CRYL1: variants seen among roughly 807,000 people sequenced by gnomAD.
The protein encoded by CRYL1 is lambda-crystallin homolog.
CRYL1 carries 29 observed loss-of-function variants against 36.6 expected under a neutral mutation model. The observed-to-expected ratio is 0.79, with a 90% CI of 0.59 to 1.08. The LOEUF (loss-of-function observed/expected upper bound fraction) is 1.08. Ranked by LOEUF, CRYL1 falls within the 50% of genes least tolerant of loss-of-function variation. The pLI is 0.00. For missense variants in CRYL1, 411 were observed against 407.9 expected (o/e 1.01, Z -0.06); for synonymous variants, 152 against 151.5 (o/e 1.00, Z -0.02).
Position 20,404,690 on chromosome 13 carries a change from TG to T in CRYL1, c.790del (p.Gln264ArgfsTer23). 1 of 1,614,140 alleles carries T rather than the reference TG, an allele frequency of 6.2e-7. No homozygotes were observed. Among genetic ancestry groups the T allele is most frequent in the Admixed American group, 1.7e-5 (1 of 60,028 alleles). On this transcript the variant is annotated frameshift_variant, in exon 7 of 8. Coordinates refer to ENST00000298248, the MANE Select transcript of CRYL1 (RefSeq NM_015974.3). LOFTEE classifies it high-confidence loss of function. ...RYSEGIKHVL[Q>X]TFGPIPEFSR... ...AAACTCTGGAATGGGTCCAAAAGTC[TG>T]TAGGACATGTTTTATGCCTTCGCTG...
At chr13:20,494,424 T>A (rs1243067786) in intron 2 of CRYL1, among the ~76,000 whole-genome samples, 2 of 152,208 alleles carry the variant, frequency 1.3e-5, no homozygotes, top group Non-Finnish European at 2.9e-5. Flanking sequence ...ACTTTTTAAG[T>A]AAACAAAACC....
At chr13:20,473,413 C>T (rs969431502) in intron 3 of CRYL1, among the ~76,000 whole-genome samples, 1 of 152,214 alleles carries the variant, frequency 6.6e-6, no homozygotes, top group East Asian at 1.9e-4. Context: ...ATTTTTAAAG[C>T]TGCACATGGC....
At chr13:20,524,779 C>CT (rs2034159119) in intron 1 of CRYL1, among the ~76,000 whole-genome samples, 1 of 152,066 alleles carries the variant, frequency 6.6e-6, no homozygotes, top group African/African-American at 2.4e-5. Flanking sequence ...GAAAAGAAAG[C>CT]TGACAACAAG....
intron 2 of CRYL1, among the ~76,000 whole-genome samples, chr13:20,495,712 C>T (rs2033593278): frequency 6.6e-6 from 1 of 152,160 alleles, no homozygotes; most frequent in Non-Finnish European, 1.5e-5. Flanking sequence ...GTGTTGTCAA[C>T]AACAGAAGAA....
intron 2 of CRYL1, 43 bp downstream of exon 2, chr13:20,512,400 C>A: frequency 7.3e-7 from 1 of 1,374,606 alleles, no homozygotes; most frequent in Non-Finnish European, 1.0e-6. Flanking sequence ...CTGAGAGAAA[C>A]AGACCCACTT....
At chr13:20,459,814 A>T (rs1454631430) in intron 3 of CRYL1, among the ~76,000 whole-genome samples, 2 of 152,190 alleles carry the variant, frequency 1.3e-5, no homozygotes, top group Admixed American at 6.5e-5. Context: ...TGATGCAACA[A>T]ACCTGCATAT....
At chr13:20,484,813 G>T (rs1326691948) in intron 3 of CRYL1, among the ~76,000 whole-genome samples, 1 of 152,160 alleles carries the variant, frequency 6.6e-6, no homozygotes, top group Non-Finnish European at 1.5e-5. Flanking sequence ...TTGGAATAAT[G>T]AACCTAAACA....
intron 2 of CRYL1, among the ~76,000 whole-genome samples, chr13:20,501,999 GC>G (rs2033711712): frequency 6.6e-6 from 1 of 152,176 alleles, no homozygotes; most frequent in Non-Finnish European, 1.5e-5. Context: ...AACAATCATG[GC>G]AGGTGTTTCT....
intron 5 of CRYL1, chr13:20,431,084 G>C (rs776298465): frequency 1.0e-6 from 1 of 985,400 alleles, no homozygotes; most frequent in East Asian, 1.1e-4. Flanking sequence ...TACCTAACGG[G>C]GATTTGGCCC....
intron 5 of CRYL1, chr13:20,431,518 T>G: frequency 1.0e-6 from 1 of 998,496 alleles, no homozygotes; most frequent in Non-Finnish European, 1.2e-6. Context: ...CGGCCCCTCA[T>G]GCAAATGTAC....
chr13:20,474,349 G>A (rs4770040), intron 3 of CRYL1, among the ~76,000 whole-genome samples: 88,590 of 151,938 alleles, frequency 0.58, 27,081 homozygotes, highest in South Asian at 0.75. Flanking sequence ...GTCCCCAGCC[G>A]TTGCTGCATA....
chr13:20,430,141 G>T, intron 5 of CRYL1: 1 of 967,138 alleles, frequency 1.0e-6, no homozygotes, highest in Non-Finnish European at 1.2e-6. Context: ...AGGACCTGAA[G>T]TTTCTAGAGC....
At chr13:20,506,097 A>G (rs1418502393) in intron 2 of CRYL1, among the ~76,000 whole-genome samples, 1 of 152,210 alleles carries the variant, frequency 6.6e-6, no homozygotes, top group East Asian at 1.9e-4. Context: ...GTCACTCAAG[A>G]CTAAGAATCC....
At chr13:20,484,497 C>T (rs763736047) in intron 3 of CRYL1, among the ~76,000 whole-genome samples, 6 of 152,244 alleles carry the variant, frequency 3.9e-5, no homozygotes, top group Admixed American at 6.5e-5. Flanking sequence ...CATAGTGAAA[C>T]CCTGTTTCTA....
At chr13:20,423,111 C>T (rs910480526) in intron 5 of CRYL1, among the ~76,000 whole-genome samples, 1 of 152,030 alleles carries the variant, frequency 6.6e-6, no homozygotes. Flanking sequence ...GAAATGCTAC[C>T]GACCTTTGTA....
intron 5 of CRYL1, among the ~76,000 whole-genome samples, chr13:20,422,605 A>G (rs2031844305): frequency 6.6e-6 from 1 of 152,234 alleles, no homozygotes; most frequent in Non-Finnish European, 1.5e-5. Context: ...CACGGGTGGC[A>G]TGCAGCTTCT....
intron 3 of CRYL1, among the ~76,000 whole-genome samples, chr13:20,456,664 C>T (rs1256900502): frequency 6.8e-6 from 1 of 147,754 alleles, no homozygotes; most frequent in Non-Finnish European, 1.5e-5. Flanking sequence ...AAAACACACA[C>T]ACACACACAC....
chr13:20,483,660 C>A (rs1390367015), intron 3 of CRYL1, among the ~76,000 whole-genome samples: 1 of 152,134 alleles, frequency 6.6e-6, no homozygotes, highest in Non-Finnish European at 1.5e-5. Context: ...CCACCTCAGC[C>A]TCCCAAGCAG....
At chr13:20,439,499 G>T in intron 4 of CRYL1, 94 bp downstream of exon 4, 1 of 1,008,320 alleles carries the variant, frequency 9.9e-7, no homozygotes, top group Non-Finnish European at 1.4e-6. Context: ...ACAAGTTATT[G>T]ACCCCCCTCC....
Sources: allele counts gnomAD v4.1 joint callset (sites outside exome capture counted in the v4.1 genomes callset), GRCh38; gene constraint gnomAD v4.1.1; transcripts MANE v1.5; gene names NCBI Gene and HGNC (gene_info 2026-07-23, HGNC 2026-07-21).